The following AKAP6 variants were observed in gnomAD, a reference collection of about 807,000 sequenced individuals.
The protein encoded by AKAP6 is A-kinase anchoring protein 6, also known as A-kinase anchor protein 6.
Under a neutral mutation model 188.5 loss-of-function variants are expected in AKAP6, and 58 were observed. That is an observed-to-expected ratio of 0.31 (90% CI 0.25 to 0.38). The LOEUF is 0.38. AKAP6 is among the 10% of genes least tolerant of loss of function. AKAP6 has a pLI of 1.00. For missense variants in AKAP6, 2,710 were observed against 2,740.0 expected, an observed-to-expected ratio of 0.99 and a Z score of 0.24; for synonymous variants, 989 against 998.6, an observed-to-expected ratio of 0.99 and a Z score of 0.18.
chr14:32,782,242 A>G (rs1437071117), intron 12 of AKAP6, among the ~76,000 whole-genome samples: 1 of 151,950 alleles, frequency 6.6e-6, no homozygotes, highest in Admixed American at 6.6e-5. Context: ...AGAAAGGAAG[A>G]AAAGACCTAA....
At chr14:32,347,571 G>A (rs1887108958) in intron 1 of AKAP6, among the ~76,000 whole-genome samples, 1 of 152,138 alleles carries the variant, frequency 6.6e-6, no homozygotes, top group Non-Finnish European at 1.5e-5. Flanking sequence ...TTGTAACATT[G>A]GATTATCATT....
At position 32,568,340 on chromosome 14, in the gene AKAP6, C is replaced by T. The variant is rs1050551675; in HGVS notation, c.2347-8780C>T. ...GGACCTTAAATAAATTACATAACTT[C>T]TCTATGCCTTAGCCTCTTCATCTGT... On this transcript the variant is annotated intron_variant, in intron 4 of 13. Transcript: ENST00000280979. This position sits in a 1 kb window ranked among gnomAD's most constrained non-coding sequence, Gnocchi z 6.2. Among the ~76,000 whole-genome samples the T allele has an allele frequency of 1.3e-5, 2 of 152,268 alleles. No homozygotes were observed. Among genetic ancestry groups the T allele is most frequent in the Admixed American group, 1.3e-4 (2 of 15,284 alleles).
chr14:32,432,074 G>A (rs1311665899), intron 1 of AKAP6, among the ~76,000 whole-genome samples: 1 of 149,426 alleles, frequency 6.7e-6, no homozygotes, highest in South Asian at 2.1e-4. Flanking sequence ...CTTTTTTTTT[G>A]CTGAATATTT....
intron 12 of AKAP6, among the ~76,000 whole-genome samples, chr14:32,783,374 GA>G (rs781155303): frequency 2.6e-5 from 4 of 152,050 alleles, no homozygotes; most frequent in Non-Finnish European, 5.9e-5. Flanking sequence ...GGGAGTGATA[GA>G]AATATTCATG....
intron 4 of AKAP6, among the ~76,000 whole-genome samples, chr14:32,547,653 G>A (rs1003901189): frequency 2.0e-5 from 3 of 152,046 alleles, no homozygotes; most frequent in Non-Finnish European, 2.9e-5. Context: ...AAAAATCTCA[G>A]GACCGACGGC....
At chr14:32,467,200 A>C (rs1414376495) in intron 2 of AKAP6, among the ~76,000 whole-genome samples, 1 of 145,414 alleles carries the variant, frequency 6.9e-6, no homozygotes, top group African/African-American at 2.5e-5. Flanking sequence ...AACCTAAAAT[A>C]AAAGTTGGAA....
At chr14:32,691,704 A>G (rs184201232) in intron 8 of AKAP6, among the ~76,000 whole-genome samples, 1 of 152,068 alleles carries the variant, frequency 6.6e-6, no homozygotes, top group South Asian at 2.1e-4. Flanking sequence ...GTCTACAAGC[A>G]TGTGCCACCA....
In AKAP6 at chr14:32,773,844, A is replaced by C; in HGVS notation, c.3539A>C (p.Gln1180Pro). The change falls in exon 12 of 14, where the codon CAA becomes CCA. Residue 1180 changes from glutamine (Q) to proline (P), a missense_variant. Transcript: ENST00000280979. ...AGAAGGTGGGAAGCCATTGTCATGC[A>C]AGCCGTCCAGTGGCAAACACGTCTA... ...LERRWEAIVM[Q>P]AVQWQTRLQK... 6.2e-7 allele frequency: 1 copy of C among 1,614,142 alleles called. No individual in the cohort carries two copies. The highest frequency in any genetic ancestry group is 1.3e-5 in the African/African-American group (1 of 75,068).
intron 12 of AKAP6, among the ~76,000 whole-genome samples, chr14:32,796,076 G>A (rs984577062): frequency 6.6e-6 from 1 of 152,024 alleles, no homozygotes; most frequent in Non-Finnish European, 1.5e-5. Flanking sequence ...AGCTAACAAG[G>A]GAAGTGAAAG....
chr14:32,770,793 A>G (rs756742263), intron 11 of AKAP6, among the ~76,000 whole-genome samples: 7 of 152,244 alleles, frequency 4.6e-5, no homozygotes, highest in Non-Finnish European at 8.8e-5. Flanking sequence ...TACTTCCAGT[A>G]GACTCTCAAC....
chr14:32,702,818 T>C (rs781090551), intron 9 of AKAP6, among the ~76,000 whole-genome samples: 5 of 152,206 alleles, frequency 3.3e-5, no homozygotes, highest in Non-Finnish European at 7.3e-5. Flanking sequence ...GACAGCCCTG[T>C]CGTACTCTTT....
intron 1 of AKAP6, among the ~76,000 whole-genome samples, chr14:32,340,170 TTTTTA>T (rs1384330274): frequency 6.6e-6 from 1 of 151,882 alleles, no homozygotes; most frequent in Non-Finnish European, 1.5e-5. Context: ...AAACTCAGTG[TTTTTA>T]TTTTATGATA....
intron 2 of AKAP6, among the ~76,000 whole-genome samples, chr14:32,502,458 T>C (rs1594683564): frequency 6.6e-6 from 1 of 152,144 alleles, no homozygotes; most frequent in African/African-American, 2.4e-5. Context: ...TTGCTGTCTG[T>C]CTTATATTTG....
At position 32,678,435 on chromosome 14, in the gene AKAP6, A is replaced by C; in HGVS notation, c.2855A>C (p.Lys952Thr). 6.2e-7 allele frequency: 1 copy of C among 1,613,940 alleles called. No individual in the cohort carries two copies. Among genetic ancestry groups the C allele is most frequent in the Non-Finnish European group, 8.5e-7 (1 of 1,179,866 alleles). ...KRKEEFADMS[K>T]VHSVGSNGLL... The stretch of plus-strand genomic sequence containing the variant: ...AAGGAAGAGTTTGCTGATATGTCAA[A>C]AGTTCATTCAGTGGGAAGCAATGGG... Residue 952 changes from lysine (K) to threonine (T), a missense_variant, in exon 8 of 14, where the codon AAA becomes ACA. This residue lies in a region of AKAP6 where 2,473 missense variants were observed against 2,426.1 expected (regional missense o/e 1.02). Coordinates refer to ENST00000280979, the MANE Select transcript of AKAP6 (RefSeq NM_004274.5).
intron 11 of AKAP6, among the ~76,000 whole-genome samples, chr14:32,769,068 A>C (rs2032813602): frequency 2.6e-4 from 2 of 7,808 alleles, no homozygotes; most frequent in Non-Finnish European, 4.6e-4. Flanking sequence ...TTTTTTTGAG[A>C]CAGAGTGTCA....
chr14:32,564,531 A>G (rs1240428059), intron 4 of AKAP6, among the ~76,000 whole-genome samples: 1 of 152,168 alleles, frequency 6.6e-6, no homozygotes, highest in Non-Finnish European at 1.5e-5. Context: ...TTTGAGCTTG[A>G]TCTTGAAGGA....
At chr14:32,660,925 C>CT (rs1491272831) in intron 7 of AKAP6, among the ~76,000 whole-genome samples, 4 of 39,464 alleles carry the variant, frequency 1.0e-4, no homozygotes, top group African/African-American at 5.3e-4. Flanking sequence ...TTCCCCGCCA[C>CT]CCCCCCCCCT....
intron 1 of AKAP6, among the ~76,000 whole-genome samples, chr14:32,337,219 A>T (rs1351785744): frequency 6.6e-6 from 1 of 152,184 alleles, no homozygotes; most frequent in Non-Finnish European, 1.5e-5. Context: ...AGTTTAAAAA[A>T]TTTGTCCTTT....
At chr14:32,486,353 A>T (rs1879692070) in intron 2 of AKAP6, among the ~76,000 whole-genome samples, 1 of 152,210 alleles carries the variant, frequency 6.6e-6, no homozygotes, top group East Asian at 1.9e-4. Flanking sequence ...TTCTGCAAAG[A>T]AAGACGATGG....
Sources: allele counts gnomAD v4.1 joint callset (sites outside exome capture counted in the v4.1 genomes callset), GRCh38; gene constraint gnomAD v4.1.1; regional missense constraint gnomAD v4.1.1; non-coding constraint Gnocchi (gnomAD v3.1); transcripts MANE v1.5; gene names NCBI Gene and HGNC (gene_info 2026-07-23, HGNC 2026-07-21).